Variants in SWT1 observed in about 807,000 individuals in gnomAD.
The protein encoded by SWT1 is SWT1 RNA endoribonuclease homolog, also known as transcriptional protein SWT1.
Under a neutral mutation model 107.3 loss-of-function variants are expected in SWT1, and 33 were observed. The observed-to-expected ratio is 0.31, with a 90% confidence interval of 0.23 to 0.41. The LOEUF (loss-of-function observed/expected upper bound fraction) is 0.41, where lower values mean the gene tolerates loss of function less well. Ranked by LOEUF, SWT1 falls within the 10% of genes least tolerant of loss-of-function variation. SWT1 has a pLI of 1.00. For synonymous variants in SWT1, 345 were observed against 348.3 expected (o/e 0.99, Z 0.11); for missense variants, 898 against 1,028.9 (o/e 0.87, Z 1.74).
chr1:185,197,087 G>T (rs2102430635), intron 10 of SWT1, among the ~76,000 whole-genome samples: 1 of 152,248 alleles, frequency 6.6e-6, no homozygotes, highest in East Asian at 1.9e-4. Flanking sequence ...TTGGCTGTGG[G>T]TTTGTCATAA....
chr1:185,191,673 T>C (rs1456164753), intron 10 of SWT1, among the ~76,000 whole-genome samples: 1 of 152,146 alleles, frequency 6.6e-6, no homozygotes, highest in Non-Finnish European at 1.5e-5. Flanking sequence ...GACATATTAC[T>C]TTGGAGTTTG....
At chr1:185,164,475 CTGTT>C (rs1654412194) in intron 2 of SWT1, among the ~76,000 whole-genome samples, 2 of 152,194 alleles carry the variant, frequency 1.3e-5, no homozygotes, top group Admixed American at 6.5e-5. Flanking sequence ...CAATATAAGA[CTGTT>C]TGTCTATGTT....
intron 15 of SWT1, among the ~76,000 whole-genome samples, chr1:185,229,534 A>G (rs1660348139): frequency 6.6e-6 from 1 of 151,786 alleles, no homozygotes; most frequent in East Asian, 1.9e-4. Flanking sequence ...GAATGATGGT[A>G]TCTAGTATAT....
At chr1:185,270,894 T>C (rs527562360) in intron 16 of SWT1, among the ~76,000 whole-genome samples, 11 of 152,338 alleles carry the variant, frequency 7.2e-5, no homozygotes, top group Admixed American at 7.2e-4. Context: ...AAGTGGCTAA[T>C]AGTTTCATCA....
intron 16 of SWT1, chr1:185,251,415 A>G (rs1230033090): frequency 6.6e-6 from 1 of 152,408 alleles, no homozygotes; most frequent in Non-Finnish European, 1.5e-5. Context: ...GCCTAAAGAA[A>G]AAAATTGATT....
In SWT1 at chr1:185,270,110, C is replaced by G. The variant is rs117449081; in HGVS notation, c.2442-1213C>G. Among the ~76,000 whole-genome samples, 75 of 152,118 alleles carry G rather than the reference C, an allele frequency of 4.9e-4. 1 individual carries two copies. The East Asian group carries it at 7.5e-3, about 15-fold the overall frequency. The stretch of plus-strand genomic sequence containing the variant: ...TTTTCTTATAGTAATTAATTTAATT[C>G]TTGCAGTAGCCCTACGAAGTAGGGA... On this transcript the variant is annotated intron_variant, in intron 16 of 18. Coordinates refer to ENST00000367500, the MANE Select transcript of SWT1 (RefSeq NM_017673.7).
chr1:185,250,323 G>C (rs1359249309), intron 16 of SWT1, among the ~76,000 whole-genome samples: 1 of 152,120 alleles, frequency 6.6e-6, no homozygotes, highest in East Asian at 1.9e-4. Context: ...TTGTGTATCT[G>C]AATGATTCTA....
intron 2 of SWT1, among the ~76,000 whole-genome samples, chr1:185,161,978 T>C (rs953018871): frequency 6.6e-6 from 1 of 152,198 alleles, no homozygotes; most frequent in Non-Finnish European, 1.5e-5. Flanking sequence ...TAAGACTTTT[T>C]CATGACCTGG....
At chr1:185,177,197 T>C (rs1285981371) in intron 5 of SWT1, among the ~76,000 whole-genome samples, 1 of 152,210 alleles carries the variant, frequency 6.6e-6, no homozygotes, top group Non-Finnish European at 1.5e-5. Flanking sequence ...TTTCTTCTTG[T>C]GTTATAACCA....
chr1:185,167,629 G>A (rs1654696089), intron 3 of SWT1, among the ~76,000 whole-genome samples: 1 of 152,000 alleles, frequency 6.6e-6, no homozygotes, highest in Non-Finnish European at 1.5e-5. Context: ...TGCCATTCAG[G>A]GCTCTCTCAA....
chr1:185,168,548 C>A, intron 4 of SWT1, 150 bp downstream of exon 4: 1 of 328,634 alleles, frequency 3.0e-6, no homozygotes, highest in South Asian at 8.7e-5. Context: ...ATAGAATTGT[C>A]TTAATATTAA....
chr1:185,206,860 T>C (rs950316470), intron 13 of SWT1, 97 bp downstream of exon 13: 31 of 903,050 alleles, frequency 3.4e-5, no homozygotes, highest in Non-Finnish European at 4.6e-5. Context: ...GAAGAATTTG[T>C]TAATTAGTTC....
chr1:185,202,563 C>A, intron 10 of SWT1, 91 bp from the exon 11 acceptor site: 1 of 1,093,064 alleles, frequency 9.1e-7, no homozygotes, highest in Non-Finnish European at 1.3e-6. Flanking sequence ...GAATCACCTG[C>A]CTCTGACTAG....
intron 15 of SWT1, chr1:185,227,313 T>G: frequency 1.4e-6 from 1 of 740,372 alleles, no homozygotes; most frequent in Non-Finnish European, 2.5e-6. Context: ...CACATTGTAT[T>G]CATTGCCAGT....
intron 16 of SWT1, among the ~76,000 whole-genome samples, chr1:185,265,543 T>C (rs1363014677): frequency 2.6e-5 from 4 of 152,212 alleles, no homozygotes; most frequent in African/African-American, 9.6e-5. Flanking sequence ...CGTTCAGACA[T>C]GTCACTGTAT....
intron 17 of SWT1, 45 bp downstream of exon 17, chr1:185,271,434 C>T (rs958590924): frequency 1.0e-6 from 1 of 988,142 alleles, no homozygotes; most frequent in Non-Finnish European, 1.6e-6. Context: ...CTACTTTAAA[C>T]AAATTTTAAT....
At chr1:185,192,965 C>A (rs1397850739) in intron 10 of SWT1, among the ~76,000 whole-genome samples, 1 of 151,998 alleles carries the variant, frequency 6.6e-6, no homozygotes, top group Non-Finnish European at 1.5e-5. Context: ...TACTCTCTTG[C>A]CTTTTTGTGC....
chr1:185,259,341 T>C (rs181560167), intron 16 of SWT1, among the ~76,000 whole-genome samples: 2 of 152,120 alleles, frequency 1.3e-5, no homozygotes, highest in East Asian at 3.9e-4. Flanking sequence ...CAGCAATCAA[T>C]AGGTGCAGGA....
chr1:185,257,706 G>T (rs7535261), intron 16 of SWT1, among the ~76,000 whole-genome samples: 60,742 of 152,106 alleles, frequency 0.4, 13,247 homozygotes, highest in African/African-American at 0.57. Context: ...GATGAACCTG[G>T]TATCTCAGAT....
Sources: allele counts gnomAD v4.1 joint callset (sites outside exome capture counted in the v4.1 genomes callset), GRCh38; gene constraint gnomAD v4.1.1; transcripts MANE v1.5; gene names NCBI Gene and HGNC (gene_info 2026-07-23, HGNC 2026-07-21).